CHD2: variants seen among roughly 807,000 people sequenced by gnomAD.
CHD2 encodes the protein chromodomain helicase DNA binding protein 2.
CHD2 carries 28 observed loss-of-function variants against 243.9 expected under a neutral mutation model. That is an observed-to-expected ratio of 0.11 (90% confidence interval 0.09 to 0.16). CHD2 has a LOEUF of 0.16. CHD2 is among the 10% of genes least tolerant of loss of function. The pLI is 1.00. For synonymous variants in CHD2, 775 were observed against 779.0 expected, an observed-to-expected ratio of 0.99 and a Z score of 0.09; for missense variants, 1,386 against 2,209.8, an observed-to-expected ratio of 0.63 and a Z score of 7.47.
At chr15:92,969,352 CG>C (rs1366440203) in intron 17 of CHD2, among the ~76,000 whole-genome samples, 2 of 152,230 alleles carry the variant, frequency 1.3e-5, no homozygotes, top group Non-Finnish European at 2.9e-5. Context: ...CAGCGTTCCC[CG>C]CAATCCCTGT....
rs567350238 is a variant in CHD2 at position 92,950,098 on chromosome 15, A to G, written c.1502+1022A>G. Among the ~76,000 whole-genome samples, 3 of 152,336 alleles carry G rather than the reference A, an allele frequency of 2.0e-5. No individual in the cohort carries two copies. The South Asian group carries it at 6.2e-4, about 32-fold the overall frequency. On this transcript the variant is annotated intron_variant, in intron 13 of 38. Transcript: ENST00000394196. ...GAAGGGGTGTAGGCTGTAAGCTGGG[A>G]AATGCCTGGGCACGTTCGGACATGT...
intron 26 of CHD2, among the ~76,000 whole-genome samples, chr15:92,988,082 C>CTTTTTTTTTTTTTTTTTTT: frequency 6.8e-6 from 1 of 146,784 alleles, no homozygotes. Flanking sequence ...TTAGTTGTCT[C>CTTTTTTTTTTTTTTTTTTT]TTTTTTTTTT....
At chr15:92,914,576 G>A (rs1282770406) in intron 2 of CHD2, among the ~76,000 whole-genome samples, 1 of 152,182 alleles carries the variant, frequency 6.6e-6, no homozygotes, top group Non-Finnish European at 1.5e-5. Context: ...CTGATTAAAG[G>A]TAAATTTTTT....
intron 28 of CHD2, among the ~76,000 whole-genome samples, chr15:92,993,436 G>A (rs11074124): frequency 0.69 from 104,953 of 152,114 alleles, 37,803 homozygotes; most frequent in East Asian, 0.99. Context: ...TATTGGATGA[G>A]TATCGTAAAC....
At chr15:92,974,711 G>T in intron 19 of CHD2, 168 bp from the exon 20 acceptor site, 1 of 570,416 alleles carries the variant, frequency 1.8e-6, no homozygotes, top group Admixed American at 3.0e-5. Context: ...AGGTCGAGTA[G>T]GGTAGGGTGT....
intron 19 of CHD2, among the ~76,000 whole-genome samples, chr15:92,973,313 TA>T (rs1232646232): frequency 1.3e-5 from 2 of 152,242 alleles, no homozygotes; most frequent in Non-Finnish European, 2.9e-5. Flanking sequence ...TCTAGGTGTA[TA>T]TAATCTAGTA....
At chr15:92,920,661 T>G (rs1489654753) in intron 2 of CHD2, among the ~76,000 whole-genome samples, 1 of 152,238 alleles carries the variant, frequency 6.6e-6, no homozygotes, top group Non-Finnish European at 1.5e-5. Context: ...TGTTTCCTAG[T>G]AGTGTGTAGA....
intron 1 of CHD2, 121 bp downstream of exon 1, chr15:92,900,945 T>G (rs2052520416): frequency 2.2e-6 from 1 of 444,724 alleles, no homozygotes. Flanking sequence ...TATTTGTATC[T>G]AGTGTGCTAC....
chr15:92,990,503 T>C (rs2054103274), intron 26 of CHD2, among the ~76,000 whole-genome samples: 1 of 152,210 alleles, frequency 6.6e-6, no homozygotes, highest in African/African-American at 2.4e-5. Flanking sequence ...GTCTGTCATT[T>C]CGGAAGTGTT....
intron 13 of CHD2, chr15:92,950,527 A>G (rs562099805): frequency 6.6e-6 from 1 of 152,294 alleles, no homozygotes; most frequent in Non-Finnish European, 1.5e-5. Context: ...ATAGTAAAGC[A>G]AAAAATCCTT....
chr15:92,956,073 C>T (rs985192165), intron 15 of CHD2, among the ~76,000 whole-genome samples: 5 of 152,142 alleles, frequency 3.3e-5, no homozygotes, highest in African/African-American at 1.2e-4. Flanking sequence ...AGTTTGGTGG[C>T]TCTTGGTGTT....
chr15:93,020,122 C>T lies in CHD2; in HGVS notation c.5017C>T (p.His1673Tyr), dbSNP rs190569275. ...HQYEQHWYKD[H>Y]HYGDRRHMDA... ...GTATGAGCAGCACTGGTACAAGGACCACCATTATGGGGACCGGCGACATAT... is the reference window on the plus strand; with the variant it reads ...GTATGAGCAGCACTGGTACAAGGACTACCATTATGGGGACCGGCGACATAT... The change falls in exon 38 of 39, where the codon CAC becomes TAC. Residue 1673 changes from histidine to tyrosine, a missense_variant. Transcript: ENST00000394196. The T allele has an allele frequency of 2.5e-6, 4 of 1,614,042 alleles. No individual in the cohort carries two copies. Among genetic ancestry groups the T allele is most frequent in the East Asian group, 2.2e-5 (1 of 44,890 alleles).
At chr15:93,011,742 G>C (rs1351718092) in intron 35 of CHD2, among the ~76,000 whole-genome samples, 1 of 152,174 alleles carries the variant, frequency 6.6e-6, no homozygotes, top group South Asian at 2.1e-4. Context: ...CCATGCTAGG[G>C]TGAACATAAT....
At chr15:92,992,465 G>A (rs1480444431) in intron 27 of CHD2, among the ~76,000 whole-genome samples, 1 of 152,190 alleles carries the variant, frequency 6.6e-6, no homozygotes, top group Non-Finnish European at 1.5e-5. Context: ...GCTTCTAGGA[G>A]CATTGCAGTG....
Position 92,946,198 on chromosome 15 carries a change from C to T in CHD2, c.1359C>T (p.Ile453=), listed in dbSNP as rs777978644. The change falls in exon 12 of 39, where the codon ATC becomes ATT. Residue 453 remains isoleucine, a synonymous_variant. Transcript: ENST00000394196. Reference sequence around the variant, plus strand: ...ACAGTAGGAACAACTCAAAAACCATCCCAACAAGAGAATGCAAGGTATGGT... The same window carrying T: ...ACAGTAGGAACAACTCAAAAACCATTCCAACAAGAGAATGCAAGGTATGGT... ...SFHSRNNSKT[I]PTRECKALKQ... is the part of the protein sequence containing the mutation. 8.2e-5 allele frequency: 132 copies of T among 1,611,068 alleles called. No homozygotes were observed. Among genetic ancestry groups the T allele is most frequent in the Non-Finnish European group, 1.1e-4 (126 of 1,178,592 alleles).
In CHD2 at chr15:92,949,018, C is replaced by A. The variant is rs749601896; in HGVS notation, c.1444C>A (p.Leu482Met). 6.2e-7 allele frequency: 1 copy of A among 1,614,100 alleles called. No homozygotes were observed. Among genetic ancestry groups the A allele is most frequent in the South Asian group, 1.1e-5 (1 of 91,042 alleles). The change falls in exon 13 of 39, where the codon CTG (leucine) becomes ATG (methionine). Residue 482 changes from leucine (L) to methionine (M), a missense_variant. By Grantham distance (15) the Leu-to-Met change is conservative (BLOSUM62 2). This residue lies in a region of CHD2 where 14 missense variants were observed against 26.8 expected (regional missense o/e 0.52). Coordinates refer to ENST00000394196, the MANE Select transcript of CHD2 (RefSeq NM_001271.4). ...ACCTGCATATTTAGGAGGGGAGAATCTGGAACTTCGAGATTATCAGCTAGA... is the reference window on the plus strand; with the variant it reads ...ACCTGCATATTTAGGAGGGGAGAATATGGAACTTCGAGATTATCAGCTAGA... ...KQPAYLGGEN[L>M]ELRDYQLEGL...
intron 12 of CHD2, among the ~76,000 whole-genome samples, chr15:92,947,786 C>T (rs528538956): frequency 2.7e-4 from 41 of 152,160 alleles, no homozygotes; most frequent in African/African-American, 9.4e-4. Context: ...TGAGAGTAAG[C>T]AGTCGGATTC....
At chr15:92,988,609 G>A (rs192004500) in intron 26 of CHD2, among the ~76,000 whole-genome samples, 215 of 152,178 alleles carry the variant, frequency 1.4e-3, no homozygotes, top group Non-Finnish European at 1.6e-3. Flanking sequence ...GGCTTAGCTC[G>A]CACTGTTAAT....
chr15:92,975,806 GCTACTTCTGTAGT>G (rs985790433), intron 20 of CHD2, among the ~76,000 whole-genome samples: 3 of 151,984 alleles, frequency 2.0e-5, no homozygotes, highest in African/African-American at 7.3e-5. Flanking sequence ...TAGTATTCTG[GCTACTTCTGTAGT>G]CTAAACATTT....
Sources: allele counts gnomAD v4.1 joint callset (sites outside exome capture counted in the v4.1 genomes callset), GRCh38; gene constraint gnomAD v4.1.1; regional missense constraint gnomAD v4.1.1; transcripts MANE v1.5; gene names NCBI Gene and HGNC (gene_info 2026-07-23, HGNC 2026-07-21).